The following CELSR1 variants were observed in gnomAD, a reference collection of about 807,000 sequenced individuals.
The protein encoded by CELSR1 is cadherin EGF LAG seven-pass G-type receptor 1.
A neutral mutation model predicts 249.1 loss-of-function variants in CELSR1; 110 were observed. That is an observed-to-expected ratio of 0.44 (90% CI 0.38 to 0.52). The LOEUF (loss-of-function observed/expected upper bound fraction) is 0.52. CELSR1 is among the 20% of genes least tolerant of loss of function. The pLI is 0.00. For synonymous variants in CELSR1, 2,113 were observed against 1,900.0 expected (o/e 1.11, Z -2.92); for missense variants, 4,109 against 4,296.4 (o/e 0.96, Z 1.22).
intron 14 of CELSR1, among the ~76,000 whole-genome samples, chr22:46,392,119 G>A (rs1921284816): frequency 6.6e-6 from 1 of 152,272 alleles, no homozygotes; most frequent in African/African-American, 2.4e-5. Flanking sequence ...GATCCAAATG[G>A]AGGCTTACGT....
chr22:46,426,447 C>A (rs2079539084), intron 5 of CELSR1, among the ~76,000 whole-genome samples: 1 of 152,106 alleles, frequency 6.6e-6, no homozygotes, highest in Non-Finnish European at 1.5e-5. Flanking sequence ...CCACCCGGTT[C>A]CTAGACCACA....
chr22:46,533,250 G>A (rs2080810322), intron 1 of CELSR1, among the ~76,000 whole-genome samples: 1 of 152,224 alleles, frequency 6.6e-6, no homozygotes, highest in African/African-American at 2.4e-5. Context: ...TTCCCAGAGA[G>A]CCCTGTGGCT....
intron 4 of CELSR1, among the ~76,000 whole-genome samples, chr22:46,435,034 C>G (rs890398429): frequency 2.6e-4 from 39 of 151,808 alleles, no homozygotes; most frequent in Admixed American, 2.2e-3. Context: ...GTCATGTGTG[C>G]CAGAAAAACA....
Position 46,412,431 on chromosome 22 carries a change from TC to T in CELSR1, c.4612-673del, listed in dbSNP as rs2079348811. ...TCCTGACCACGGCACCTGGCCAGGT[TC>T]GTGCTCCTGGAGTACAGACACCAGG... On this transcript the variant is annotated intron_variant, in intron 5 of 34. Transcript: ENST00000674500. The surrounding 1 kb of genome is among the most constrained non-coding windows in gnomAD (Gnocchi z 4.5). Among the ~76,000 whole-genome samples the T allele has an allele frequency of 6.6e-6, 1 of 152,132 alleles. No individual in the cohort carries two copies. The highest frequency in any genetic ancestry group is 1.5e-5 in the Non-Finnish European group (1 of 68,020).
chr22:46,489,105 CA>C (rs2080343949), intron 1 of CELSR1, among the ~76,000 whole-genome samples: 1 of 152,140 alleles, frequency 6.6e-6, no homozygotes. Context: ...AGAATAACTG[CA>C]ATTCAGCTCT....
chr22:46,513,895 C>T (rs1186107051), intron 1 of CELSR1, among the ~76,000 whole-genome samples: 3 of 150,960 alleles, frequency 2.0e-5, no homozygotes, highest in African/African-American at 7.3e-5. Flanking sequence ...GGGGTTCACG[C>T]CATTCTCCTG....
At chr22:46,438,465 T>C (rs1160335282) in intron 3 of CELSR1, among the ~76,000 whole-genome samples, 1 of 152,116 alleles carries the variant, frequency 6.6e-6, no homozygotes, top group Non-Finnish European at 1.5e-5. Flanking sequence ...GGGAGGCACC[T>C]TATGATTTTA....
intron 14 of CELSR1, 98 bp downstream of exon 14, chr22:46,394,044 T>A (rs1381064212): frequency 2.2e-5 from 32 of 1,478,982 alleles, no homozygotes; most frequent in Non-Finnish European, 2.8e-5. Flanking sequence ...TGTGAGTGTG[T>A]ACCGACAGGG....
At chr22:46,449,922 G>A (rs2079863044) in intron 2 of CELSR1, among the ~76,000 whole-genome samples, 1 of 143,934 alleles carries the variant, frequency 6.9e-6, no homozygotes, top group African/African-American at 2.7e-5. Context: ...AACATACATG[G>A]CTCACGTGCT....
In CELSR1 at chr22:46,471,537, A is replaced by G. The variant is rs961733396; in HGVS notation, c.3545-7192T>C. Among the ~76,000 whole-genome samples, 9 of 152,106 alleles carry G rather than the reference A, an allele frequency of 5.9e-5. No homozygotes were observed. Among genetic ancestry groups the G allele is most frequent in the African/African-American group, 2.2e-4 (9 of 41,438 alleles). On this transcript the variant is annotated intron_variant, in intron 1 of 34. Coordinates refer to ENST00000674500, the MANE Select transcript of CELSR1 (RefSeq NM_001378328.1). The surrounding 1 kb of genome is among the most constrained non-coding windows in gnomAD (Gnocchi z 4.9). ...CCTGAGAAGCTAGGACTACAGGAGC[A>G]TGCCACCATGCCTGGCTGGGTTTTC...
intron 1 of CELSR1, among the ~76,000 whole-genome samples, chr22:46,508,524 G>T (rs935961911): frequency 1.3e-5 from 2 of 150,480 alleles, no homozygotes; most frequent in African/African-American, 4.9e-5. Context: ...CACAGCCGGG[G>T]TCCCCTCCCC....
chr22:46,377,301 G>T (rs1335823565), intron 23 of CELSR1, 40 bp from the exon 24 acceptor site: 1 of 1,596,464 alleles, frequency 6.3e-7, no homozygotes, highest in Non-Finnish European at 8.6e-7. Flanking sequence ...GAAGGTAAGG[G>T]CCGAGGCTCA....
chr22:46,516,879 C>T (rs1048262473), intron 1 of CELSR1, among the ~76,000 whole-genome samples: 1 of 152,182 alleles, frequency 6.6e-6, no homozygotes, highest in African/African-American at 2.4e-5. Context: ...CCCTCACCCT[C>T]CCTCCCCGTT....
Position 46,423,619 on chromosome 22 carries a change from A to G in CELSR1, c.4611+9774T>C, listed in dbSNP as rs367755383. Among the ~76,000 whole-genome samples, 9 of 151,364 alleles carry G rather than the reference A, an allele frequency of 5.9e-5. 1 individual carries two copies. The highest frequency in any genetic ancestry group is 3.9e-4 in the East Asian group (2 of 5,120). ...AAACTTCGTCTCAGAAAAAAAAAAA[A>G]AAAAAGACTCCATGCTTTAGGCAGT... On this transcript the variant is annotated intron_variant, in intron 5 of 34. Coordinates refer to ENST00000674500, the MANE Select transcript of CELSR1 (RefSeq NM_001378328.1). This position sits in a 1 kb window ranked among gnomAD's most constrained non-coding sequence, Gnocchi z 5.6.
At chr22:46,528,290 G>C (rs1404190185) in intron 1 of CELSR1, among the ~76,000 whole-genome samples, 6 of 152,100 alleles carry the variant, frequency 3.9e-5, no homozygotes. Context: ...ATCAAGCCTA[G>C]ACGACTTTAT....
chr22:46,410,156 G>A lies in CELSR1; in HGVS notation c.4933+242C>T, dbSNP rs2079316005. On this transcript the variant is annotated intron_variant, in intron 7 of 34. Coordinates refer to ENST00000674500, the MANE Select transcript of CELSR1 (RefSeq NM_001378328.1). This position sits in a 1 kb window ranked among gnomAD's most constrained non-coding sequence, Gnocchi z 6.8. The stretch of plus-strand genomic sequence containing the variant: ...AAGACCCTAGGATCATGTGCGCCTC[G>A]GGTTAGCTGGCTGGGCCAGCAGTGC... 6.6e-6 allele frequency among the ~76,000 whole-genome samples: 1 copy of A among 152,216 alleles called. No individual in the cohort carries two copies. The highest frequency in any genetic ancestry group is 2.4e-5 in the African/African-American group (1 of 41,456).
chr22:46,477,006 C>T (rs1245749924), intron 1 of CELSR1, among the ~76,000 whole-genome samples: 1 of 152,126 alleles, frequency 6.6e-6, no homozygotes, highest in Non-Finnish European at 1.5e-5. Flanking sequence ...TTTGGCGTGA[C>T]ATTGTACAAA....
Position 46,463,831 on chromosome 22 carries a change from G to T in CELSR1, c.4059C>A (p.Pro1353=). ...TCTCGCAGTAGTCGCCGGTGAAGCC[G>T]GGCGGGCAGCGGCAGCGCAGGCCGT... The part of the protein sequence containing the change: ...PINGLRCRCP[P]GFTGDYCETE... Residue 1353 remains proline (P), a synonymous_variant, in exon 2 of 35, where the codon CCC becomes CCA. Transcript: ENST00000674500. 6.2e-7 allele frequency: 1 copy of T among 1,611,876 alleles called. No individual in the cohort carries two copies. Among genetic ancestry groups the T allele is most frequent in the Non-Finnish European group, 8.5e-7 (1 of 1,178,946 alleles).
chr22:46,505,203 A>C (rs1049959540), intron 1 of CELSR1, among the ~76,000 whole-genome samples: 4 of 138,932 alleles, frequency 2.9e-5, no homozygotes, highest in Admixed American at 1.6e-4. Flanking sequence ...CAGAGCTTGC[A>C]ATGAGCCGAG....
Sources: allele counts gnomAD v4.1 joint callset (sites outside exome capture counted in the v4.1 genomes callset), GRCh38; gene constraint gnomAD v4.1.1; non-coding constraint Gnocchi (gnomAD v3.1); transcripts MANE v1.5; gene names NCBI Gene and HGNC (gene_info 2026-07-23, HGNC 2026-07-21).